Variants in MINDY1 observed in about 807,000 individuals in gnomAD.
MINDY1 encodes MINDY lysine 48 deubiquitinase 1.
Under a neutral mutation model 53.6 loss-of-function variants are expected in MINDY1, and 50 were observed. That is an observed-to-expected ratio of 0.93 (90% CI 0.74 to 1.18). MINDY1 has a LOEUF of 1.18. Among genes scored for constraint, MINDY1 ranks in the 50% most tolerant of loss-of-function variants. The probability of loss-of-function intolerance (pLI) is 0.00; values close to 1 mark genes in which losing one functional copy is unlikely to be tolerated. For synonymous variants in MINDY1, 231 were observed against 234.7 expected (o/e 0.98, Z 0.14); for missense variants, 484 against 578.6 (o/e 0.84, Z 1.68).
At chr1:151,005,591 C>T (rs1329219519) in intron 1 of MINDY1, among the ~76,000 whole-genome samples, 1 of 151,812 alleles carries the variant, frequency 6.6e-6, no homozygotes, top group African/African-American at 2.4e-5. Flanking sequence ...GCCAAAGGAA[C>T]CCAGGAGTGG....
At position 151,002,558 on chromosome 1, in the gene MINDY1, G is replaced by A. The variant is rs767460485; in HGVS notation, c.60C>T (p.Val20=). 1 of 1,614,192 alleles carries A rather than the reference G, an allele frequency of 6.2e-7. No individual in the cohort carries two copies. Among genetic ancestry groups the A allele is most frequent in the East Asian group, 2.2e-5 (1 of 44,888 alleles). The part of the protein sequence containing the change: ...APGKAGTAEA[V]IPENHEVLAG... ...CCAGAACCTCATGGTTTTCAGGGAT[G>A]ACTGCTTCTGCAGTCCCGGCCTTAC... The change falls in exon 2 of 10, where the codon GTC becomes GTT. Residue 20 remains valine (V), a synonymous_variant. Transcript: ENST00000683666. This position sits in a 1 kb window ranked among gnomAD's most constrained non-coding sequence, Gnocchi z 4.1.
At position 150,997,643 on chromosome 1, in the gene MINDY1, G is replaced by A. The variant is rs146551660; in HGVS notation, c.1310C>T (p.Thr437Met). ...GCCCACCTGCAGTGACAGGACCCGC[G>A]TCCGCATCCGCACTGGCTGCGCTGC... ...QQAAQPVRMRTRVLSLQGRGA... is the reference protein window; with the variant it reads ...QQAAQPVRMRMRVLSLQGRGA... The change falls in exon 9 of 10, where the codon ACG (threonine) becomes ATG (methionine). Residue 437 changes from threonine (T) to methionine (M), a missense_variant. Coordinates refer to ENST00000683666, the MANE Select transcript of MINDY1 (RefSeq NM_001376665.1). 1.5e-4 allele frequency: 237 copies of A among 1,610,148 alleles called. No homozygotes were observed. Among genetic ancestry groups the A allele is most frequent in the South Asian group, 2.0e-4 (18 of 91,090 alleles).
intron 7 of MINDY1, 55 bp from the exon 8 acceptor site, chr1:150,998,328 A>G (rs1672095538): frequency 3.3e-6 from 5 of 1,506,994 alleles, no homozygotes; most frequent in Non-Finnish European, 3.6e-6. Flanking sequence ...GAGGCAGTTC[A>G]CTGCCAGAAA....
chr1:151,001,633 C>A (rs1672583495), intron 3 of MINDY1, 92 bp downstream of exon 3: 2 of 1,485,202 alleles, frequency 1.3e-6, no homozygotes. Flanking sequence ...TCAGAACCCC[C>A]AAATGGAGAT....
In MINDY1 at chr1:151,006,889, GCTTGTGC is replaced by G. The variant is rs1258890510; in HGVS notation, c.-674_-668del. ...TGCCTGCCTCTAGAAGGGACGGAGC[GCTTGTGC>G]CTCTCTGGTGAGAATAGGGAAGAGC... On this transcript the variant is annotated 5_prime_UTR_variant, in exon 1 of 10. Coordinates refer to ENST00000683666, the MANE Select transcript of MINDY1 (RefSeq NM_001376665.1). The G allele has an allele frequency of 2.0e-6, 2 of 985,282 alleles. No individual in the cohort carries two copies. Among genetic ancestry groups the G allele is most frequent in the Non-Finnish European group, 2.4e-6 (2 of 829,966 alleles). 61.0% of individuals were successfully genotyped at this position (985,282 alleles called of 1,614,324 possible). A position where few individuals can be genotyped will look rare whatever the true frequency, so the allele number is the denominator to read the frequency against.
intron 9 of MINDY1, 86 bp downstream of exon 9, chr1:150,997,538 A>G: frequency 6.3e-7 from 1 of 1,596,918 alleles, no homozygotes; most frequent in Non-Finnish European, 8.5e-7. Context: ...AACCTTGAAG[A>G]GACCAGTGCA....
Position 151,006,378 on chromosome 1 carries a change from G to T in MINDY1, c.-156C>A. On this transcript the variant is annotated 5_prime_UTR_variant, in exon 1 of 10. Transcript: ENST00000683666. ...TCAGCCGTGGCAATGAGATGGGGGA[G>T]ATAGGTGCAATGAAGGGGGCTGCCA... 7.2e-7 allele frequency: 1 copy of T among 1,379,562 alleles called. No homozygotes were observed. Among genetic ancestry groups the T allele is most frequent in the Non-Finnish European group, 9.4e-7 (1 of 1,065,954 alleles). 85.5% of individuals were successfully genotyped at this position (1,379,562 alleles called of 1,614,324 possible).
rs200227186 is a variant in MINDY1, at chr1:151,002,417, C to T, written c.201G>A (p.Glu67=). The T allele has an allele frequency of 6.2e-7, 1 of 1,614,076 alleles. No homozygotes were observed. The highest frequency in any genetic ancestry group is 1.7e-5 in the Admixed American group (1 of 60,008). The part of the protein sequence containing the change: ...LLPSQCGDNL[E]SPLPEASSAP... The stretch of plus-strand genomic sequence containing the variant: ...CTGAGCTAGCTTCAGGCAGAGGGGA[C>T]TCAAGGTTGTCCCCACACTGGCTAG... The change falls in exon 2 of 10, where the codon GAG becomes GAA. Residue 67 remains glutamate, a synonymous_variant. Transcript: ENST00000683666. This position sits in a 1 kb window ranked among gnomAD's most constrained non-coding sequence, Gnocchi z 4.1.
At position 151,000,762 on chromosome 1, in the gene MINDY1, T is replaced by A. The variant is rs112283076; in HGVS notation, c.577-147A>T. ...CATTTCTCCCTTGCCTCAACCCTTC[T>A]CTATCTTATATAAATGAACATTGTT... On this transcript the variant is annotated intron_variant, in intron 4 of 9. Transcript: ENST00000683666. The A allele has an allele frequency of 1.6e-4, 131 of 836,468 alleles. No homozygotes were observed. In the African/African-American group the frequency reaches 2.0e-3, roughly 13 times the overall value. The allele number at this position is 836,468 out of a possible 1,614,324, so 51.8% of individuals were successfully genotyped here.
In MINDY1 at chr1:150,997,342, G is replaced by C; in HGVS notation, c.1355C>G (p.Pro452Arg). ...LQGRGATSGR[P>R]AGERRQRPKH... ...CGGCCTCTGCCGACGCTCCCCGGCT[G>C]GGCGTCCAGATGTGGCTCCTCTCCC... Residue 452 changes from proline to arginine, a missense_variant, in exon 10 of 10, where the codon CCA becomes CGA. Coordinates refer to ENST00000683666, the MANE Select transcript of MINDY1 (RefSeq NM_001376665.1). 6.2e-7 allele frequency: 1 copy of C among 1,602,348 alleles called. No homozygotes were observed. Among genetic ancestry groups the C allele is most frequent in the Non-Finnish European group, 8.5e-7 (1 of 1,173,354 alleles).
intron 4 of MINDY1, 148 bp downstream of exon 4, chr1:151,001,102 G>C (rs968953690): frequency 8.5e-6 from 7 of 821,910 alleles, no homozygotes; most frequent in South Asian, 6.9e-5. Context: ...ATATTTTCTA[G>C]GACAAAGATA....
chr1:151,001,604 C>G, intron 3 of MINDY1, 121 bp downstream of exon 3: 2 of 1,269,526 alleles, frequency 1.6e-6, no homozygotes, highest in Admixed American at 2.3e-5. Context: ...CCCCATAGAC[C>G]CTTACCCTCC....
In MINDY1 at chr1:151,002,155, G is replaced by A; in HGVS notation, c.453+10C>T. 1 of 1,592,068 alleles carries A rather than the reference G, an allele frequency of 6.3e-7. No homozygotes were observed. Among genetic ancestry groups the A allele is most frequent in the Non-Finnish European group, 8.6e-7 (1 of 1,168,314 alleles). ...ATATTTTTTGCACCCCTAACTGCAT[G>A]TTCTCTTACCTTCCACTGAAGAAAG... On this transcript the variant is annotated intron_variant, in intron 2 of 9. Coordinates refer to ENST00000683666, the MANE Select transcript of MINDY1 (RefSeq NM_001376665.1). This position sits in a 1 kb window ranked among gnomAD's most constrained non-coding sequence, Gnocchi z 4.1.
intron 4 of MINDY1, among the ~76,000 whole-genome samples, 164 bp downstream of exon 4, chr1:151,001,086 A>G (rs1259408626): frequency 6.6e-6 from 1 of 152,150 alleles, no homozygotes; most frequent in Non-Finnish European, 1.5e-5. Context: ...CACCCGGCCA[A>G]TGAACATATT....
At position 150,999,334 on chromosome 1, in the gene MINDY1, A is replaced by G. The variant is rs1270262498; in HGVS notation, c.981+35T>C. On this transcript the variant is annotated intron_variant, in intron 7 of 9. Transcript: ENST00000683666. The surrounding 1 kb of genome is among the most constrained non-coding windows in gnomAD (Gnocchi z 4.4). The stretch of plus-strand genomic sequence containing the variant: ...CGAGAAAAAGGCACCAGGAAATGAC[A>G]GCACCGCAGCACGCCACCCCCAAAC... 3.1e-6 allele frequency: 5 copies of G among 1,611,926 alleles called. No individual in the cohort carries two copies. In the Admixed American group the frequency reaches 5.0e-5, roughly 16 times the overall value.
intron 1 of MINDY1, chr1:151,003,019 G>C: frequency 9.2e-7 from 1 of 1,087,964 alleles, no homozygotes; most frequent in Non-Finnish European, 1.1e-6. Context: ...GAAAGGGAGA[G>C]CACAAAGGAG....
At chr1:151,004,021 C>G (rs1672858634) in intron 1 of MINDY1, among the ~76,000 whole-genome samples, 5 of 152,126 alleles carry the variant, frequency 3.3e-5, no homozygotes, top group Admixed American at 3.3e-4. Flanking sequence ...CTCCTGGGTT[C>G]AAGTGATTCT....
At chr1:151,007,023 G>A (rs1386243511), upstream of MINDY1, 3 of 348,952 alleles carry the variant, frequency 8.6e-6, no homozygotes, top group Non-Finnish European at 1.2e-5. Context: ...TGGATCCACA[G>A]AAGCAGGAGC....
In MINDY1 at chr1:151,001,250, C is replaced by G. The variant is rs958653076; in HGVS notation, c.576G>C (p.Gln192His). Reference sequence around the variant, plus strand: ...TATGCCTGCAGACCTTTTGCCTCACCTGCTGAAAATTAAGCTGAAGTCCCT... The same window carrying G: ...TATGCCTGCAGACCTTTTGCCTCACGTGCTGAAAATTAAGCTGAAGTCCCT... ...KSEGLQLNFQ[Q>H]NVDDAMTVLP... Residue 192 changes from glutamine to histidine, a missense_variant and splice_region_variant, in exon 4 of 10, where the codon CAG becomes CAC. Physicochemically the swap from Gln to His is conservative, Grantham distance 24. Transcript: ENST00000683666. The G allele has an allele frequency of 6.2e-7, 1 of 1,614,218 alleles. No individual in the cohort carries two copies. The highest frequency in any genetic ancestry group is 8.5e-7 in the Non-Finnish European group (1 of 1,180,030).
Sources: gnomAD v4.1 joint callset for allele counts (sites outside exome capture counted in the v4.1 genomes callset) on GRCh38, gnomAD v4.1.1 for gene constraint, Gnocchi (gnomAD v3.1) non-coding constraint, MANE v1.5 for transcripts, NCBI Gene and HGNC (gene_info 2026-07-23, HGNC 2026-07-21) for gene names.